RBFOX1: variants seen among roughly 807,000 people sequenced by gnomAD.
RBFOX1 encodes RNA binding protein fox-1 homolog 1.
RBFOX1 carries 8 observed loss-of-function variants against 57.7 expected under a neutral mutation model. The ratio of observed to expected loss-of-function variants is 0.14; its 90% CI spans 0.08 to 0.25. The LOEUF is 0.25. RBFOX1 is among the 10% of genes least tolerant of loss of function. The probability of loss-of-function intolerance (pLI) is 1.00; values close to 1 mark genes in which losing one functional copy is unlikely to be tolerated. For missense variants in RBFOX1, 611 were observed against 548.5 expected (o/e 1.11, Z -1.14); for synonymous variants, 326 against 222.4 (o/e 1.47, Z -4.15).
intron 1 of RBFOX1, among the ~76,000 whole-genome samples, chr16:6,059,832 T>G (rs1262141400): frequency 1.3e-5 from 2 of 152,172 alleles, no homozygotes; most frequent in African/African-American, 4.8e-5. Context: ...TAAAGAGCAT[T>G]TAGCCATGAT....
intron 4 of RBFOX1, among the ~76,000 whole-genome samples, chr16:5,889,438 T>C (rs2057990282): frequency 6.6e-6 from 1 of 152,242 alleles, no homozygotes; most frequent in Non-Finnish European, 1.5e-5. Flanking sequence ...TGTGTCTGTG[T>C]GCCACATTTT....
chr16:6,659,053 C>T lies in RBFOX1; in HGVS notation c.-16+4403C>T, dbSNP rs146360848. 2.6e-3 allele frequency among the ~76,000 whole-genome samples: 399 copies of T among 151,830 alleles called. 1 individual carries two copies. Among genetic ancestry groups the T allele is most frequent in the African/African-American group, 8.7e-3 (361 of 41,388 alleles). ...AGTGGCTGTATGGCCTCACAAAACCCGATGCGTTTGACATTTACAGTACCT... is the reference window on the plus strand; with the variant it reads ...AGTGGCTGTATGGCCTCACAAAACCTGATGCGTTTGACATTTACAGTACCT... On this transcript the variant is annotated intron_variant, in intron 3 of 15. Coordinates refer to ENST00000550418, the MANE Select transcript of RBFOX1 (RefSeq NM_018723.4).
chr16:6,533,525 C>T (rs952322540), intron 2 of RBFOX1, among the ~76,000 whole-genome samples: 2 of 152,134 alleles, frequency 1.3e-5, no homozygotes, highest in Admixed American at 6.5e-5. Context: ...TTGATTGATC[C>T]TGTGCTTTTA....
At chr16:5,388,237 C>G (rs1338528262) in intron 1 of RBFOX1, among the ~76,000 whole-genome samples, 5 of 152,174 alleles carry the variant, frequency 3.3e-5, no homozygotes, top group African/African-American at 9.7e-5. Flanking sequence ...GGGTCTCTGC[C>G]TCACCGTGCT....
At chr16:6,371,229 A>G (rs913480583) in intron 2 of RBFOX1, among the ~76,000 whole-genome samples, 1 of 152,284 alleles carries the variant, frequency 6.6e-6, no homozygotes, top group African/African-American at 2.4e-5. Flanking sequence ...TTTGTCATCA[A>G]TCCTTCATTC....
At chr16:7,687,638 T>C (rs1361449219) in intron 14 of RBFOX1, among the ~76,000 whole-genome samples, 1 of 152,082 alleles carries the variant, frequency 6.6e-6, no homozygotes, top group East Asian at 1.9e-4. Context: ...ATAAACTGAT[T>C]ATTGTGACTT....
intron 1 of RBFOX1, among the ~76,000 whole-genome samples, chr16:5,361,199 C>G (rs1200435244): frequency 6.6e-6 from 1 of 152,264 alleles, no homozygotes; most frequent in Non-Finnish European, 1.5e-5. Context: ...TGCCATTGGT[C>G]TTAATGGTGA....
At position 6,408,042 on chromosome 16, in the gene RBFOX1, C is replaced by T. The variant is rs191685914; in HGVS notation, c.-64+90985C>T. Among the ~76,000 whole-genome samples the T allele has an allele frequency of 2.1e-4, 32 of 152,212 alleles. 1 individual carries two copies. In the East Asian group the frequency reaches 5.8e-3, roughly 28 times the overall value. On this transcript the variant is annotated intron_variant, in intron 2 of 15. Coordinates refer to ENST00000550418, the MANE Select transcript of RBFOX1 (RefSeq NM_018723.4). ...GAGGCCAGAGGAAGCTTGTTTACCCCTCCCATCATTTGAGGACACACAGAA... is the reference window on the plus strand; with the variant it reads ...GAGGCCAGAGGAAGCTTGTTTACCCTTCCCATCATTTGAGGACACACAGAA...
At chr16:7,065,233 T>C (rs1387986298) in intron 4 of RBFOX1, among the ~76,000 whole-genome samples, 1 of 152,222 alleles carries the variant, frequency 6.6e-6, no homozygotes, top group East Asian at 1.9e-4. Context: ...TTAGAAATTT[T>C]GCTTCTATCT....
intron 1 of RBFOX1, among the ~76,000 whole-genome samples, chr16:6,129,090 A>G (rs1407673877): frequency 7.7e-6 from 1 of 129,294 alleles, no homozygotes; most frequent in African/African-American, 2.6e-5. Flanking sequence ...TCTATAATGC[A>G]TTATGCATCT....
intron 1 of RBFOX1, among the ~76,000 whole-genome samples, chr16:6,266,699 G>T (rs2192632): frequency 2.0e-5 from 3 of 150,462 alleles, no homozygotes; most frequent in Non-Finnish European, 4.4e-5. Flanking sequence ...GGGTGACAGT[G>T]CAAGACTCTG....
At chr16:6,915,744 G>A (rs1023391234) in intron 3 of RBFOX1, among the ~76,000 whole-genome samples, 3 of 151,906 alleles carry the variant, frequency 2.0e-5, no homozygotes, top group Non-Finnish European at 4.4e-5. Flanking sequence ...TAGAGACAGG[G>A]TTTTGCCATG....
chr16:7,048,302 C>T (rs1051832862), intron 3 of RBFOX1, among the ~76,000 whole-genome samples: 6 of 152,014 alleles, frequency 3.9e-5, no homozygotes, highest in Non-Finnish European at 8.8e-5. Context: ...CTCTGTCTCC[C>T]AGGCTAGAGT....
intron 4 of RBFOX1, among the ~76,000 whole-genome samples, chr16:5,918,386 C>T (rs548631125): frequency 6.6e-6 from 1 of 152,344 alleles, no homozygotes; most frequent in South Asian, 2.1e-4. Flanking sequence ...TCCCAAAGTG[C>T]TGGGATTATA....
chr16:6,441,635 C>G (rs1199766299), intron 2 of RBFOX1, among the ~76,000 whole-genome samples: 1 of 152,136 alleles, frequency 6.6e-6, no homozygotes, highest in Non-Finnish European at 1.5e-5. Flanking sequence ...CTAGGCTGAT[C>G]TTGAACTCCT....
chr16:5,724,588 A>G (rs550154553), intron 3 of RBFOX1, among the ~76,000 whole-genome samples: 4 of 152,294 alleles, frequency 2.6e-5, no homozygotes, highest in Admixed American at 2.6e-4. Flanking sequence ...TGGTCTTGTC[A>G]TGAGGTTCAG....
chr16:7,194,945 G>T (rs1005557674), intron 4 of RBFOX1, among the ~76,000 whole-genome samples: 1 of 113,962 alleles, frequency 8.8e-6, no homozygotes, highest in African/African-American at 3.4e-5. Context: ...AAAAAAAAAA[G>T]TGAAGAATTC....
chr16:7,190,196 A>G (rs9940225), intron 4 of RBFOX1, among the ~76,000 whole-genome samples: 1,742 of 152,180 alleles, frequency 0.011, 33 homozygotes, highest in African/African-American at 0.04. Flanking sequence ...CCCCGTCTCT[A>G]CTAAAAATAC....
In RBFOX1 at chr16:6,895,448, G is replaced by GTGTATA. The variant is rs869028735; in HGVS notation, c.-15-156608_-15-156607insGTATAT. Among the ~76,000 whole-genome samples the GTGTATA allele has an allele frequency of 7.7e-3, 418 of 54,406 alleles. 3 individuals are homozygous for GTGTATA. The highest frequency in any genetic ancestry group is 0.013 in the Middle Eastern group (1 of 76). The allele number at this position is 54,406 out of a possible 152,430, so 35.7% of individuals were successfully genotyped here. ...TGTGTGTGTGTGTGTGTGTGTGTGT[G>GTGTATA]TATATATATATATATATATATATAT... On this transcript the variant is annotated intron_variant, in intron 3 of 15. Transcript: ENST00000550418.
Sources: allele counts gnomAD v4.1 joint callset (sites outside exome capture counted in the v4.1 genomes callset), GRCh38; gene constraint gnomAD v4.1.1; transcripts MANE v1.5; gene names NCBI Gene and HGNC (gene_info 2026-07-23, HGNC 2026-07-21).